Variants in DNAH5 observed in about 807,000 individuals in gnomAD.
The protein encoded by DNAH5 is axonemal beta dynein heavy chain 5.
Under a neutral mutation model 518.2 loss-of-function variants are expected in DNAH5, and 372 were observed. The ratio of observed to expected loss-of-function variants is 0.72; its 90% CI spans 0.66 to 0.78. The LOEUF is 0.78. Among genes scored for constraint, DNAH5 ranks in the 30% least tolerant of loss-of-function variants. The probability of loss-of-function intolerance (pLI) is 0.00; values close to 1 mark genes in which losing one functional copy is unlikely to be tolerated. For synonymous variants in DNAH5, 2,039 were observed against 2,025.9 expected, an observed-to-expected ratio of 1.01 and a Z score of -0.17; for missense variants, 5,523 against 5,687.0, an observed-to-expected ratio of 0.97 and a Z score of 0.93.
chr5:13,885,927 T>C (rs763673920), intron 18 of DNAH5, 37 bp downstream of exon 18: 5 of 1,593,182 alleles, frequency 3.1e-6, no homozygotes, highest in African/African-American at 1.3e-5. Flanking sequence ...GTAAATGTCA[T>C]AGAAAAACAA....
At chr5:13,893,521 C>T (rs1452630240) in intron 16 of DNAH5, among the ~76,000 whole-genome samples, 2 of 152,088 alleles carry the variant, frequency 1.3e-5, no homozygotes. Context: ...ATTCATAAAT[C>T]GTAACACCAT....
At position 13,884,093 on chromosome 5, in the gene DNAH5, C is replaced by T. The variant is rs369769683; in HGVS notation, c.2983+896G>A. 6.6e-4 allele frequency among the ~76,000 whole-genome samples: 100 copies of T among 152,116 alleles called. 1 individual carries two copies. In the South Asian group the frequency reaches 0.018, roughly 27 times the overall value. On this transcript the variant is annotated intron_variant, in intron 19 of 78. Coordinates refer to ENST00000265104, the MANE Select transcript of DNAH5 (RefSeq NM_001369.3). ...TTTGTGGCCCACCTGAGAAATACAACACCTATTTCTGAACTGTGCCGAGGA... is the reference window on the plus strand; with the variant it reads ...TTTGTGGCCCACCTGAGAAATACAATACCTATTTCTGAACTGTGCCGAGGA...
At chr5:13,796,409 GACAA>G (rs1417549951) in intron 47 of DNAH5, among the ~76,000 whole-genome samples, 5 of 152,124 alleles carry the variant, frequency 3.3e-5, no homozygotes, top group Admixed American at 3.3e-4. Context: ...ACCATTAACA[GACAA>G]ACAGAGAGCC....
chr5:13,982,278 T>C (rs1782729091), intron 1 of DNAH5, among the ~76,000 whole-genome samples: 1 of 152,288 alleles, frequency 6.6e-6, no homozygotes, highest in Non-Finnish European at 1.5e-5. Context: ...TTAGTTGTCT[T>C]TATTTTCTCT....
chr5:13,939,712 T>C (rs922525242), intron 1 of DNAH5, among the ~76,000 whole-genome samples: 1 of 152,134 alleles, frequency 6.6e-6, no homozygotes, highest in Admixed American at 6.6e-5. Context: ...CTCCTAACTG[T>C]ACTTTTCAAG....
At chr5:13,746,187 G>A (rs896990901) in intron 65 of DNAH5, among the ~76,000 whole-genome samples, 1 of 152,096 alleles carries the variant, frequency 6.6e-6, no homozygotes, top group African/African-American at 2.4e-5. Flanking sequence ...AATTCTTTCT[G>A]TGTGTAATGA....
chr5:13,769,497 C>G lies in DNAH5; in HGVS notation c.9720+4G>C. On this transcript the variant is annotated splice_donor_region_variant and intron_variant, in intron 57 of 78. Transcript: ENST00000265104. ...ATGTGGCACATGTGTAAATGCCCAC[C>G]CACCATGTCGGCTTTATCGTTGGCC... 1 of 1,612,472 alleles carries G rather than the reference C, an allele frequency of 6.2e-7. No homozygotes were observed.
chr5:13,768,583 G>A (rs917177944), intron 58 of DNAH5, among the ~76,000 whole-genome samples: 2 of 152,106 alleles, frequency 1.3e-5, no homozygotes. Flanking sequence ...GACAGAAAAC[G>A]TCGTATCTTA....
At chr5:13,890,922 T>TA (rs1404999330) in intron 17 of DNAH5, 54 bp downstream of exon 17, 1 of 1,606,956 alleles carries the variant, frequency 6.2e-7, no homozygotes, top group Non-Finnish European at 8.5e-7. Context: ...GTGACCTTTA[T>TA]AGGAAAATGA....
intron 39 of DNAH5, 137 bp from the exon 40 acceptor site, chr5:13,823,507 G>T: frequency 1.5e-6 from 1 of 651,914 alleles, no homozygotes; most frequent in Non-Finnish European, 2.7e-6. Context: ...CTTTATTGAA[G>T]TTAAGAAACA....
At chr5:14,008,817 C>G (rs1433489367) in intron 1 of DNAH5, among the ~76,000 whole-genome samples, 1 of 152,166 alleles carries the variant, frequency 6.6e-6, no homozygotes, top group Non-Finnish European at 1.5e-5. Flanking sequence ...ATCTGTAATA[C>G]CATTTTCTCA....
At chr5:13,878,545 T>C (rs1255012508) in intron 21 of DNAH5, among the ~76,000 whole-genome samples, 1 of 152,140 alleles carries the variant, frequency 6.6e-6, no homozygotes, top group Non-Finnish European at 1.5e-5. Context: ...TTCATGAGTG[T>C]TCCCTCTGGC....
intron 57 of DNAH5, 51 bp from the exon 58 acceptor site, chr5:13,769,187 A>G: frequency 6.3e-7 from 1 of 1,585,064 alleles, no homozygotes; most frequent in Non-Finnish European, 8.6e-7. Flanking sequence ...TTAAACATCC[A>G]GCTGAAAATG....
At chr5:13,756,066 T>A (rs1207871785) in intron 61 of DNAH5, among the ~76,000 whole-genome samples, 3 of 152,158 alleles carry the variant, frequency 2.0e-5, no homozygotes, top group Non-Finnish European at 4.4e-5. Flanking sequence ...TCAGGCCCAC[T>A]CTCTCATAGG....
intron 49 of DNAH5, among the ~76,000 whole-genome samples, chr5:13,793,199 C>T (rs1240666727): frequency 6.6e-6 from 1 of 152,186 alleles, no homozygotes; most frequent in Non-Finnish European, 1.5e-5. Context: ...ACTATGTGCC[C>T]ATGAGGAAAC....
intron 41 of DNAH5, among the ~76,000 whole-genome samples, chr5:13,818,363 C>T (rs1761739196): frequency 6.6e-6 from 1 of 152,170 alleles, no homozygotes; most frequent in South Asian, 2.1e-4. Context: ...CTTTGGGGGG[C>T]CAAGGCGGGC....
chr5:13,920,492 T>C lies in DNAH5; in HGVS notation c.786A>G (p.Lys262=), dbSNP rs749772454. 6.2e-7 allele frequency: 1 copy of C among 1,614,200 alleles called. No individual in the cohort carries two copies. Among genetic ancestry groups the C allele is most frequent in the South Asian group, 1.1e-5 (1 of 91,082 alleles). ...KIEDCMKVWI[K]QTEQVLAENN... ...TTCTCAAAATTACCTGTTCTGTCTG[T>C]TTGATCCATACTTTCATGCAATCCT... is the stretch of plus-strand genomic sequence containing the variant. Residue 262 remains lysine (K), a synonymous_variant, in exon 6 of 79, where the codon AAA becomes AAG. Coordinates refer to ENST00000265104, the MANE Select transcript of DNAH5 (RefSeq NM_001369.3).
At position 13,770,809 on chromosome 5, in the gene DNAH5, AT is replaced by A; in HGVS notation, c.9544del (p.Ile3182PhefsTer22). On this transcript the variant is annotated frameshift_variant, in exon 56 of 79. Transcript: ENST00000265104. LOFTEE classifies it high-confidence loss of function. ...HVTPKSYLSF[I>X]QGYKFIYGEK... ...TCCATATATGAACTTATAGCCCTGA[AT>A]AAAGGAGAGGTATGATTTGGGCGTC... is the stretch of plus-strand genomic sequence containing the variant. 4 of 1,614,108 alleles carry A rather than the reference AT, an allele frequency of 2.5e-6. No homozygotes were observed. The highest frequency in any genetic ancestry group is 3.4e-6 in the Non-Finnish European group (4 of 1,179,980).
intron 1 of DNAH5, among the ~76,000 whole-genome samples, chr5:13,969,762 T>C (rs1480840214): frequency 6.6e-6 from 1 of 152,230 alleles, no homozygotes; most frequent in Non-Finnish European, 1.5e-5. Flanking sequence ...AATGTGCTGA[T>C]GAATAGAATG....
Sources: allele counts gnomAD v4.1 joint callset (sites outside exome capture counted in the v4.1 genomes callset), GRCh38; gene constraint gnomAD v4.1.1; transcripts MANE v1.5; gene names NCBI Gene and HGNC (gene_info 2026-07-23, HGNC 2026-07-21).